Variants in TRMT44 observed in about 807,000 individuals in gnomAD.
TRMT44 encodes the protein tRNA methyltransferase 44 homolog.
TRMT44 carries 78 observed loss-of-function variants against 77.3 expected under a neutral mutation model. The ratio of observed to expected loss-of-function variants is 1.01; its 90% CI spans 0.84 to 1.22. The LOEUF (loss-of-function observed/expected upper bound fraction) is 1.22. TRMT44 is among the 50% of genes most tolerant of loss of function. TRMT44 has a pLI of 0.00. For synonymous variants in TRMT44, 391 were observed against 383.3 expected (o/e 1.02, Z -0.23); for missense variants, 1,090 against 964.4 (o/e 1.13, Z -1.73).
the TRMT44 span, chr4:8,509,723 C>G: frequency 1.3e-5 from 2 of 152,660 alleles, no homozygotes; most frequent in Non-Finnish European, 2.9e-5. Context: ...CGTCGCTGTT[C>G]TCACCAGGAG....
At chr4:8,474,781 T>C (rs970188974) in intron 10 of TRMT44, among the ~76,000 whole-genome samples, 18 of 152,008 alleles carry the variant, frequency 1.2e-4, no homozygotes, top group African/African-American at 4.3e-4. Context: ...AGTTGTTGGA[T>C]TCCCACAAGG....
intron 10 of TRMT44, among the ~76,000 whole-genome samples, chr4:8,475,503 T>C (rs757279421): frequency 5.3e-5 from 8 of 152,186 alleles, no homozygotes; most frequent in Non-Finnish European, 1.0e-4. Context: ...CTGCTTTGCC[T>C]AAAATGCTCT....
exon 3 of TRMT44, chr4:8,493,317 A>G (rs1184691398): frequency 1.3e-5 from 2 of 152,154 alleles, no homozygotes; most frequent in Non-Finnish European, 2.9e-5. Context: ...AAATTGGCCC[A>G]TCTGGTCTTG....
chr4:8,483,490 C>G (rs1727699992), intron 2 of TRMT44, among the ~76,000 whole-genome samples: 1 of 152,224 alleles, frequency 6.6e-6, no homozygotes, highest in African/African-American at 2.4e-5. Flanking sequence ...AGCGTCTATA[C>G]AGGAGCTCAA....
chr4:8,483,422 G>C (rs1024590892), intron 2 of TRMT44, among the ~76,000 whole-genome samples: 2 of 151,936 alleles, frequency 1.3e-5, no homozygotes, highest in Non-Finnish European at 2.9e-5. Context: ...TTTTTTGGGG[G>C]GGGGCACGGT....
At chr4:8,502,552 G>C in the TRMT44 span, among the ~76,000 whole-genome samples, 1 of 152,326 alleles carries the variant, frequency 6.6e-6, no homozygotes, top group South Asian at 2.1e-4. Flanking sequence ...GGCTCAGCTG[G>C]GGCAGGCTCT....
At chr4:8,504,510 G>A in the TRMT44 span, among the ~76,000 whole-genome samples, 8 of 152,238 alleles carry the variant, frequency 5.3e-5, no homozygotes, top group East Asian at 1.9e-4. The surrounding 1 kb of genome is among the most constrained non-coding windows in gnomAD (Gnocchi z 5.3). Flanking sequence ...CAGCGTGTAC[G>A]GAGCTCCTGC....
At chr4:8,495,768 C>T (rs1369709439), downstream of TRMT44, among the ~76,000 whole-genome samples, 1 of 152,206 alleles carries the variant, frequency 6.6e-6, no homozygotes, top group Non-Finnish European at 1.5e-5. Context: ...AGGCCGATTC[C>T]TGCTGACTGG....
intron 8 of TRMT44, among the ~76,000 whole-genome samples, chr4:8,466,488 C>T (rs1726556206): frequency 2.6e-5 from 4 of 152,272 alleles, no homozygotes; most frequent in South Asian, 4.1e-4. Flanking sequence ...GCACCAGGAG[C>T]AGCGTTGGCT....
the TRMT44 span, among the ~76,000 whole-genome samples, chr4:8,513,517 T>C: frequency 2.6e-5 from 4 of 151,992 alleles, no homozygotes; most frequent in East Asian, 1.9e-4. Context: ...AGTCTAATCA[T>C]AAAGGTGAAA....
chr4:8,480,061 C>G (rs561218724), downstream of TRMT44, among the ~76,000 whole-genome samples: 1 of 152,100 alleles, frequency 6.6e-6, no homozygotes, highest in East Asian at 1.9e-4. Context: ...GTCTTGAACT[C>G]CTGGACTGAA....
chr4:8,460,507 A>G (rs1165057606), intron 6 of TRMT44, among the ~76,000 whole-genome samples: 1 of 152,154 alleles, frequency 6.6e-6, no homozygotes, highest in African/African-American at 2.4e-5. Context: ...GAAATAGAAA[A>G]TCAAAAATAA....
intron 6 of TRMT44, among the ~76,000 whole-genome samples, chr4:8,456,731 C>T (rs1365690329): frequency 6.6e-6 from 1 of 152,080 alleles, no homozygotes; most frequent in Non-Finnish European, 1.5e-5. Flanking sequence ...TATGACAAAG[C>T]AGAAAGAAGG....
At chr4:8,457,727 A>C (rs1337490895) in intron 6 of TRMT44, among the ~76,000 whole-genome samples, 1 of 152,264 alleles carries the variant, frequency 6.6e-6, no homozygotes, top group East Asian at 1.9e-4. Flanking sequence ...AATAGTGTCC[A>C]GATGTTGGCC....
At chr4:8,467,794 G>T (rs1200915090) in intron 8 of TRMT44, 120 bp from the exon 9 acceptor site, 15 of 1,160,358 alleles carry the variant, frequency 1.3e-5, no homozygotes, top group Non-Finnish European at 1.8e-5. Context: ...TTTAAATCAG[G>T]ATTTTTTCAT....
chr4:8,511,710 C>A, the TRMT44 span: 2 of 150,898 alleles, frequency 1.3e-5, no homozygotes, highest in Non-Finnish European at 2.9e-5. Context: ...TTCCATTCAG[C>A]CCAATGCATT....
chr4:8,487,154 C>A (rs1429626386), intron 2 of TRMT44, among the ~76,000 whole-genome samples: 1 of 152,136 alleles, frequency 6.6e-6, no homozygotes, highest in African/African-American at 2.4e-5. Context: ...ATTGAAAGTG[C>A]CATTTTCTGG....
At chr4:8,484,625 A>G (rs1727746026) in intron 2 of TRMT44, among the ~76,000 whole-genome samples, 2 of 152,156 alleles carry the variant, frequency 1.3e-5, no homozygotes, top group African/African-American at 4.8e-5. Flanking sequence ...GTGTAATGAA[A>G]AGGGTTGGGA....
chr4:8,480,415 G>A (rs1239726195), downstream of TRMT44, among the ~76,000 whole-genome samples: 10 of 152,042 alleles, frequency 6.6e-5, no homozygotes, highest in African/African-American at 2.4e-4. Context: ...CTGCATGCAC[G>A]GTGCCCTCCT....
Sources: gnomAD v4.1 joint callset for allele counts (sites outside exome capture counted in the v4.1 genomes callset) on GRCh38, gnomAD v4.1.1 for gene constraint, Gnocchi (gnomAD v3.1) non-coding constraint, MANE v1.5 for transcripts, NCBI Gene and HGNC (gene_info 2026-07-23, HGNC 2026-07-21) for gene names.